Variants in RAB22A observed in about 807,000 individuals in gnomAD.
RAB22A encodes the protein RAB22A, member RAS oncogene family, also known as ras-related protein Rab-22A.
Under a neutral mutation model 30.2 loss-of-function variants are expected in RAB22A, and 13 were observed. The observed-to-expected ratio is 0.43, with a 90% CI of 0.28 to 0.68. The LOEUF is 0.68. Ranked by LOEUF, RAB22A falls within the 30% of genes least tolerant of loss-of-function variation. RAB22A has a pLI of 0.18. For missense variants in RAB22A, 177 were observed against 246.8 expected, an observed-to-expected ratio of 0.72 and a Z score of 1.89; for synonymous variants, 89 against 87.2, an observed-to-expected ratio of 1.02 and a Z score of -0.11.
intron 2 of RAB22A, among the ~76,000 whole-genome samples, chr20:58,337,970 A>G (rs1986787898): frequency 6.6e-6 from 1 of 152,168 alleles, no homozygotes; most frequent in South Asian, 2.1e-4. Flanking sequence ...TATGTAAATT[A>G]TTATTGACAA....
Position 58,363,333 on chromosome 20 carries a change from A to T in RAB22A, c.*3630A>T, listed in dbSNP as rs1600747611. ...ATTTATGGGCCCTTAAGAGTATAAG[A>T]TATAGGTGCACAGTATGTTACTTAA... On this transcript the variant is annotated 3_prime_UTR_variant, in exon 7 of 7. Transcript: ENST00000244040. 2.0e-5 allele frequency: 3 copies of T among 152,218 alleles called. No individual in the cohort carries two copies. Among genetic ancestry groups the T allele is most frequent in the Non-Finnish European group, 2.9e-5 (2 of 68,034 alleles). The allele number at this position is 152,218 out of a possible 1,614,324, so 9.4% of individuals were successfully genotyped here. A position where few individuals can be genotyped will look rare whatever the true frequency, so the allele number is the denominator to read the frequency against.
At chr20:58,355,026 T>C (rs1314209292) in intron 6 of RAB22A, among the ~76,000 whole-genome samples, 2 of 152,350 alleles carry the variant, frequency 1.3e-5, no homozygotes, top group African/African-American at 4.8e-5. Flanking sequence ...AAGGAGGTGC[T>C]ATCAGAGCTG....
At chr20:58,357,095 C>T (rs1987143115) in intron 6 of RAB22A, among the ~76,000 whole-genome samples, 1 of 152,144 alleles carries the variant, frequency 6.6e-6, no homozygotes, top group Non-Finnish European at 1.5e-5. Context: ...TTACCGCCAA[C>T]CAGTTTTCAA....
chr20:58,317,354 C>T lies in RAB22A; in HGVS notation c.116+6232C>T, dbSNP rs564905994. Reference sequence around the variant, plus strand: ...TTAGGTGATCCACCCACCTTGGCCTCCCAAAGTGCTGGGATTGCAGGCATG... The same window carrying T: ...TTAGGTGATCCACCCACCTTGGCCTTCCAAAGTGCTGGGATTGCAGGCATG... On this transcript the variant is annotated intron_variant, in intron 2 of 6. Transcript: ENST00000244040. 4.7e-3 allele frequency among the ~76,000 whole-genome samples: 715 copies of T among 151,306 alleles called. 1 individual carries two copies. The highest frequency in any genetic ancestry group is 6.8e-3 in the Non-Finnish European group (460 of 67,756).
At chr20:58,310,713 G>T (rs903538858) in intron 1 of RAB22A, among the ~76,000 whole-genome samples, 1 of 152,142 alleles carries the variant, frequency 6.6e-6, no homozygotes, top group African/African-American at 2.4e-5. Context: ...ATTCATCAGG[G>T]ATTACTCAGA....
chr20:58,331,795 G>T (rs1986665025), intron 2 of RAB22A, among the ~76,000 whole-genome samples: 1 of 151,958 alleles, frequency 6.6e-6, no homozygotes, highest in Non-Finnish European at 1.5e-5. Context: ...TGCATAGTCT[G>T]TGTCTCTTCC....
At chr20:58,324,832 T>A (rs73616262) in intron 2 of RAB22A, among the ~76,000 whole-genome samples, 1,828 of 81,992 alleles carry the variant, frequency 0.022, 18 homozygotes, top group Middle Eastern at 0.11. Flanking sequence ...GCACCACTGC[T>A]CTCCAGCCTG....
At chr20:58,358,068 C>T (rs1987161758) in intron 6 of RAB22A, among the ~76,000 whole-genome samples, 1 of 152,074 alleles carries the variant, frequency 6.6e-6, no homozygotes, top group Non-Finnish European at 1.5e-5. Context: ...TGTGTAGTAA[C>T]CTGTTTCTGG....
chr20:58,316,586 G>A (rs1393360400), intron 2 of RAB22A, among the ~76,000 whole-genome samples: 1 of 151,946 alleles, frequency 6.6e-6, no homozygotes, highest in Admixed American at 6.5e-5. Context: ...CCATTGTGTA[G>A]TGAGCCTATT....
rs1286359862 is a variant in RAB22A, at chr20:58,353,502, C to G, written c.341C>G (p.Ala114Gly). 1 of 1,611,034 alleles carries G rather than the reference C, an allele frequency of 6.2e-7. No homozygotes were observed. Among genetic ancestry groups the G allele is most frequent in the Non-Finnish European group, 8.5e-7 (1 of 1,177,282 alleles). The stretch of plus-strand genomic sequence containing the variant: ...CATGGCCCACCTAATATTGTAGTTG[C>G]CATTGCAGGAAATAAATGTGATCTT... ...RQHGPPNIVV[A>G]IAGNKCDLID... The change falls in exon 5 of 7, where the codon GCC becomes GGC. Residue 114 changes from alanine (A) to glycine (G), a missense_variant. Coordinates refer to ENST00000244040, the MANE Select transcript of RAB22A (RefSeq NM_020673.3).
intron 2 of RAB22A, among the ~76,000 whole-genome samples, chr20:58,327,880 G>A (rs1047118735): frequency 2.0e-5 from 3 of 152,150 alleles, no homozygotes; most frequent in African/African-American, 7.2e-5. Context: ...CTGAGAAACT[G>A]ATCCAGATAG....
rs551907517 is a variant in RAB22A at position 58,348,116 on chromosome 20, A to G, written c.198+4317A>G. ...GTGGCGCACACCTGTGGTCCCAGCTACTCGGAAGGCTGAGGCAGGAGAATC... is the reference window on the plus strand; with the variant it reads ...GTGGCGCACACCTGTGGTCCCAGCTGCTCGGAAGGCTGAGGCAGGAGAATC... On this transcript the variant is annotated intron_variant, in intron 3 of 6. Coordinates refer to ENST00000244040, the MANE Select transcript of RAB22A (RefSeq NM_020673.3). 5.3e-5 allele frequency among the ~76,000 whole-genome samples: 8 copies of G among 152,176 alleles called. No individual in the cohort carries two copies. In the East Asian group the frequency reaches 1.5e-3, roughly 29 times the overall value.
Position 58,336,232 on chromosome 20 carries a change from G to A in RAB22A, c.117-7486G>A, listed in dbSNP as rs550276058. ...TCACCATGTTGGCCAGGCTGGTCTC[G>A]TACTCCTGACCTCAAGTGATCCACT... On this transcript the variant is annotated intron_variant, in intron 2 of 6. Transcript: ENST00000244040. 7.9e-5 allele frequency among the ~76,000 whole-genome samples: 12 copies of A among 152,176 alleles called. No individual in the cohort carries two copies. In the East Asian group the frequency reaches 1.7e-3, roughly 22 times the overall value.
chr20:58,341,741 G>A (rs905997171), intron 2 of RAB22A, among the ~76,000 whole-genome samples: 1 of 152,166 alleles, frequency 6.6e-6, no homozygotes, highest in Non-Finnish European at 1.5e-5. Flanking sequence ...TTAATTAAAG[G>A]TAAATGCTTG....
At chr20:58,342,648 CAA>C (rs10709063) in intron 2 of RAB22A, among the ~76,000 whole-genome samples, 4,863 of 123,938 alleles carry the variant, frequency 0.039, 97 homozygotes, top group African/African-American at 0.073. Flanking sequence ...TACAATTTGG[CAA>C]AAAAAAAAAA....
At chr20:58,346,919 G>C (rs1370129949) in intron 3 of RAB22A, among the ~76,000 whole-genome samples, 2 of 152,160 alleles carry the variant, frequency 1.3e-5, no homozygotes, top group East Asian at 3.9e-4. Flanking sequence ...TAAGCTCCTT[G>C]AGGGCAAGGA....
chr20:58,364,578 A>G lies in RAB22A; in HGVS notation c.*4875A>G, dbSNP rs1987282485. 6.6e-6 allele frequency: 1 copy of G among 152,196 alleles called. No individual in the cohort carries two copies. The highest frequency in any genetic ancestry group is 2.4e-5 in the African/African-American group (1 of 41,448). The allele number at this position is 152,196 out of a possible 1,614,324, so 9.4% of individuals were successfully genotyped here. A position where few individuals can be genotyped will look rare whatever the true frequency, so the allele number is the denominator to read the frequency against. ...CTAACAGATTTAACAAAAAGTGTTT[A>G]ATTTACTGCAAGTTCATTTTTAGAT... On this transcript the variant is annotated 3_prime_UTR_variant, in exon 7 of 7. Coordinates refer to ENST00000244040, the MANE Select transcript of RAB22A (RefSeq NM_020673.3).
At chr20:58,344,041 A>G (rs1986903411) in intron 3 of RAB22A, among the ~76,000 whole-genome samples, 2 of 152,206 alleles carry the variant, frequency 1.3e-5, no homozygotes, top group South Asian at 4.1e-4. Context: ...GTCTTAAAGT[A>G]AATGCTGACC....
intron 2 of RAB22A, among the ~76,000 whole-genome samples, chr20:58,331,021 C>T (rs945537377): frequency 6.6e-5 from 10 of 152,236 alleles, no homozygotes; most frequent in African/African-American, 2.2e-4. Context: ...TCCTCTGTCA[C>T]TTCTAGCCAA....
Sources: gnomAD v4.1 joint callset for allele counts (sites outside exome capture counted in the v4.1 genomes callset) on GRCh38, gnomAD v4.1.1 for gene constraint, MANE v1.5 for transcripts, NCBI Gene and HGNC (gene_info 2026-07-23, HGNC 2026-07-21) for gene names.